The following TAFA5 variants were observed in gnomAD, a reference collection of about 807,000 sequenced individuals.
TAFA5 encodes TAFA chemokine like family member 5.
TAFA5 carries 6 observed loss-of-function variants against 15.3 expected under a neutral mutation model. The ratio of observed to expected loss-of-function variants is 0.39; its 90% CI spans 0.21 to 0.77. The LOEUF is 0.77. Ranked by LOEUF, TAFA5 falls within the 30% of genes least tolerant of loss-of-function variation. TAFA5 has a pLI of 0.41. For missense variants in TAFA5, 161 were observed against 193.1 expected, an observed-to-expected ratio of 0.83 and a Z score of 0.98; for synonymous variants, 103 against 80.7, an observed-to-expected ratio of 1.28 and a Z score of -1.48.
chr22:48,600,534 C>T (rs28385607), intron 1 of TAFA5, among the ~76,000 whole-genome samples: 13,664 of 151,016 alleles, frequency 0.09, 754 homozygotes, highest in East Asian at 0.22. Context: ...GTGCCCATGC[C>T]TAGGACTTTG....
At chr22:48,730,160 G>A (rs745877127) in intron 3 of TAFA5, among the ~76,000 whole-genome samples, 51 of 152,188 alleles carry the variant, frequency 3.4e-4, no homozygotes, top group Non-Finnish European at 2.9e-5. Flanking sequence ...CGAGGTGGGC[G>A]AATCATGAGG....
intron 3 of TAFA5, among the ~76,000 whole-genome samples, chr22:48,740,492 G>A (rs992546499): frequency 3.3e-5 from 5 of 152,208 alleles, no homozygotes; most frequent in African/African-American, 1.2e-4. Context: ...GGCTTACCAG[G>A]GGGGCAGGGA....
intron 1 of TAFA5, among the ~76,000 whole-genome samples, chr22:48,635,833 G>A (rs538778453): frequency 6.6e-6 from 1 of 152,366 alleles, no homozygotes; most frequent in South Asian, 2.1e-4. Flanking sequence ...GGGCTGAGCA[G>A]CCCCAGTCAT....
chr22:48,544,572 A>C (rs1169626694), intron 1 of TAFA5: 1 of 410,404 alleles, frequency 2.4e-6, no homozygotes, highest in African/African-American at 2.0e-5. Context: ...GCATCAGCAC[A>C]TGCCAGCTTC....
At chr22:48,705,805 T>C (rs1218179229) in intron 2 of TAFA5, among the ~76,000 whole-genome samples, 1 of 152,250 alleles carries the variant, frequency 6.6e-6, no homozygotes, top group Non-Finnish European at 1.5e-5. Flanking sequence ...ACACGTGCAT[T>C]TGCACAACTG....
chr22:48,526,455 C>G (rs950072637), intron 1 of TAFA5, among the ~76,000 whole-genome samples: 1 of 152,230 alleles, frequency 6.6e-6, no homozygotes, highest in African/African-American at 2.4e-5. Flanking sequence ...TACTGGCCAC[C>G]TGGAGCCCTC....
intron 1 of TAFA5, among the ~76,000 whole-genome samples, chr22:48,581,138 C>A (rs556281261): frequency 6.6e-6 from 1 of 152,238 alleles, no homozygotes; most frequent in Non-Finnish European, 1.5e-5. Flanking sequence ...CCACACTCAC[C>A]GTAATGGGAT....
intron 2 of TAFA5, among the ~76,000 whole-genome samples, chr22:48,663,355 G>A (rs1263790220): frequency 6.6e-6 from 1 of 152,114 alleles, no homozygotes; most frequent in East Asian, 1.9e-4. Context: ...TATAGGTCCT[G>A]TGCCTCACTG....
intron 1 of TAFA5, among the ~76,000 whole-genome samples, chr22:48,521,291 G>A (rs1921592455): frequency 1.3e-5 from 2 of 152,116 alleles, no homozygotes; most frequent in Non-Finnish European, 2.9e-5. Flanking sequence ...TGGGTTTGTT[G>A]TATTTTGCAA....
intron 2 of TAFA5, among the ~76,000 whole-genome samples, chr22:48,707,447 A>G (rs1418138666): frequency 6.6e-6 from 1 of 152,170 alleles, no homozygotes; most frequent in Non-Finnish European, 1.5e-5. Context: ...TCTGCTTCAC[A>G]GACATGTCTC....
chr22:48,720,307 C>T (rs1448874804), intron 3 of TAFA5, among the ~76,000 whole-genome samples: 1 of 152,170 alleles, frequency 6.6e-6, no homozygotes. Flanking sequence ...CTTCTCCCCA[C>T]CGTTCCCATC....
chr22:48,749,945 C>T lies in TAFA5; in HGVS notation c.*98C>T. On this transcript the variant is annotated 3_prime_UTR_variant, in exon 4 of 4. Coordinates refer to ENST00000402357, the MANE Select transcript of TAFA5 (RefSeq NM_001082967.3). Reference sequence around the variant, plus strand: ...CCACTCGCCTCGGACTTCACCCGTTCTCTGCCGCCCGCCCACTCCGTTTCC... The same window carrying T: ...CCACTCGCCTCGGACTTCACCCGTTTTCTGCCGCCCGCCCACTCCGTTTCC... 1 of 1,178,240 alleles carries T rather than the reference C, an allele frequency of 8.5e-7. No individual in the cohort carries two copies. Among genetic ancestry groups the T allele is most frequent in the South Asian group, 1.3e-5 (1 of 76,340 alleles). The allele number at this position is 1,178,240 out of a possible 1,614,324, so 73.0% of individuals were successfully genotyped here. A position where few individuals can be genotyped will look rare whatever the true frequency, so the allele number is the denominator to read the frequency against.
intron 1 of TAFA5, among the ~76,000 whole-genome samples, chr22:48,564,271 C>T (rs199552208): frequency 1.9e-3 from 289 of 152,340 alleles, no homozygotes; most frequent in African/African-American, 6.7e-3. Context: ...CTCCAGGTTG[C>T]GCGGATGGGA....
At chr22:48,558,539 G>A (rs1215497741) in intron 1 of TAFA5, among the ~76,000 whole-genome samples, 3 of 152,144 alleles carry the variant, frequency 2.0e-5, no homozygotes, top group Non-Finnish European at 4.4e-5. Context: ...TGTTTGCCAC[G>A]GTCTCTCTCC....
intron 3 of TAFA5, among the ~76,000 whole-genome samples, chr22:48,724,275 C>T (rs1403384251): frequency 3.3e-5 from 5 of 152,212 alleles, no homozygotes; most frequent in African/African-American, 1.2e-4. Flanking sequence ...TTAGATTTGG[C>T]ACTGTGTAGT....
intron 1 of TAFA5, among the ~76,000 whole-genome samples, chr22:48,540,943 G>A (rs1455444593): frequency 6.6e-6 from 1 of 151,954 alleles, no homozygotes; most frequent in Non-Finnish European, 1.5e-5. Context: ...ACAGGTCCTG[G>A]TAGCAGCTCT....
chr22:48,584,441 C>T (rs1214903455), intron 1 of TAFA5, among the ~76,000 whole-genome samples: 2 of 149,256 alleles, frequency 1.3e-5, no homozygotes, highest in Non-Finnish European at 3.0e-5. Context: ...TATGTAAATA[C>T]ACCACACACG....
chr22:48,720,419 A>G (rs1037666646), intron 3 of TAFA5, among the ~76,000 whole-genome samples: 2 of 152,102 alleles, frequency 1.3e-5, no homozygotes, highest in Non-Finnish European at 2.9e-5. Context: ...TGGAGGGGTC[A>G]CTTTTTGGTG....
chr22:48,652,897 G>T (rs1927105978), intron 2 of TAFA5, among the ~76,000 whole-genome samples: 1 of 152,168 alleles, frequency 6.6e-6, no homozygotes, highest in Non-Finnish European at 1.5e-5. Flanking sequence ...CCGAGGCCAT[G>T]GGCGACTGGG....
Sources: allele counts gnomAD v4.1 joint callset (sites outside exome capture counted in the v4.1 genomes callset), GRCh38; gene constraint gnomAD v4.1.1; transcripts MANE v1.5; gene names NCBI Gene and HGNC (gene_info 2026-07-23, HGNC 2026-07-21).